The following CAMKMT variants were observed in gnomAD, a reference collection of about 807,000 sequenced individuals.
CAMKMT encodes CaM KMT.
A neutral mutation model predicts 48.0 loss-of-function variants in CAMKMT; 53 were observed. That is an observed-to-expected ratio of 1.10 (90% confidence interval 0.89 to 1.39). The LOEUF (loss-of-function observed/expected upper bound fraction) is 1.39. Ranked by LOEUF, CAMKMT falls within the 40% of genes most tolerant of loss-of-function variation. CAMKMT has a pLI of 0.00. For synonymous variants in CAMKMT, 165 were observed against 152.3 expected (o/e 1.08, Z -0.61); for missense variants, 428 against 402.7 (o/e 1.06, Z -0.54).
At chr2:44,459,467 A>G (rs892825585) in intron 3 of CAMKMT, among the ~76,000 whole-genome samples, 2 of 152,342 alleles carry the variant, frequency 1.3e-5, no homozygotes, top group South Asian at 2.1e-4. Context: ...ATTATTATTT[A>G]GAACATTTAT....
At chr2:44,505,405 A>G (rs1195026364) in intron 3 of CAMKMT, among the ~76,000 whole-genome samples, 2 of 152,078 alleles carry the variant, frequency 1.3e-5, no homozygotes, top group Non-Finnish European at 2.9e-5. Flanking sequence ...GATGAAGTCC[A>G]ATTTATTTTT....
At chr2:44,701,324 A>G (rs934281841) in intron 3 of CAMKMT, among the ~76,000 whole-genome samples, 1 of 152,182 alleles carries the variant, frequency 6.6e-6, no homozygotes, top group Non-Finnish European at 1.5e-5. Context: ...GATTGTAGCC[A>G]TCCTAGTGGG....
At chr2:44,517,086 A>C (rs575170508) in intron 3 of CAMKMT, among the ~76,000 whole-genome samples, 1 of 152,314 alleles carries the variant, frequency 6.6e-6, no homozygotes, top group South Asian at 2.1e-4. Context: ...GAATTAAATG[A>C]TTATTATATT....
intron 3 of CAMKMT, among the ~76,000 whole-genome samples, chr2:44,548,926 A>T (rs1667551508): frequency 6.6e-6 from 1 of 152,182 alleles, no homozygotes; most frequent in South Asian, 2.1e-4. Context: ...AAACTCAACC[A>T]TGCCATACCA....
At chr2:44,444,888 C>T (rs997089790) in intron 3 of CAMKMT, among the ~76,000 whole-genome samples, 1 of 152,140 alleles carries the variant, frequency 6.6e-6, no homozygotes, top group Non-Finnish European at 1.5e-5. Flanking sequence ...ACAGTTTCAC[C>T]TGGGCATTCG....
At chr2:44,576,752 G>A (rs1219108110) in intron 3 of CAMKMT, among the ~76,000 whole-genome samples, 1 of 152,172 alleles carries the variant, frequency 6.6e-6, no homozygotes, top group African/African-American at 2.4e-5. Context: ...AGTGTGCTGT[G>A]GAGGCTAGAG....
At chr2:44,638,762 G>A (rs948372538) in intron 3 of CAMKMT, among the ~76,000 whole-genome samples, 7 of 152,200 alleles carry the variant, frequency 4.6e-5, no homozygotes, top group Non-Finnish European at 1.0e-4. Context: ...TAGGAGGCAT[G>A]CACCGTTCTT....
chr2:44,644,096 G>A (rs145700293), intron 3 of CAMKMT, among the ~76,000 whole-genome samples: 163 of 152,280 alleles, frequency 1.1e-3, no homozygotes, highest in African/African-American at 3.8e-3. Context: ...GATCATCTAT[G>A]TGCCATTATC....
intron 3 of CAMKMT, among the ~76,000 whole-genome samples, chr2:44,621,427 G>A (rs917761051): frequency 6.6e-6 from 1 of 152,152 alleles, no homozygotes; most frequent in African/African-American, 2.4e-5. Context: ...AGGGATGGGG[G>A]AGGCTGCTTT....
chr2:44,508,267 C>T (rs763231261), intron 3 of CAMKMT, among the ~76,000 whole-genome samples: 8 of 152,116 alleles, frequency 5.3e-5, no homozygotes, highest in Admixed American at 1.3e-4. Context: ...GCCTAATTTG[C>T]GTAAATGTAA....
At chr2:44,506,170 A>T (rs999050425) in intron 3 of CAMKMT, among the ~76,000 whole-genome samples, 1 of 152,166 alleles carries the variant, frequency 6.6e-6, no homozygotes, top group African/African-American at 2.4e-5. Flanking sequence ...CTAAAAGTTT[A>T]AATCTGTGCT....
chr2:44,509,524 T>C (rs2104764146), intron 3 of CAMKMT, among the ~76,000 whole-genome samples: 1 of 152,292 alleles, frequency 6.6e-6, no homozygotes, highest in Admixed American at 6.5e-5. Context: ...TTGCCCAGGC[T>C]GGTCTTGATC....
chr2:44,625,789 C>T (rs1411296819), intron 3 of CAMKMT, among the ~76,000 whole-genome samples: 1 of 152,226 alleles, frequency 6.6e-6, no homozygotes, highest in African/African-American at 2.4e-5. Flanking sequence ...CATTGAATTA[C>T]TTTTACATAT....
At chr2:44,650,274 G>C (rs1008376742) in intron 3 of CAMKMT, among the ~76,000 whole-genome samples, 2 of 152,070 alleles carry the variant, frequency 1.3e-5, no homozygotes, top group Non-Finnish European at 2.9e-5. Context: ...CTCCACCTTT[G>C]TCGTCACCTG....
chr2:44,692,882 T>G (rs533697628), intron 3 of CAMKMT, among the ~76,000 whole-genome samples: 2 of 152,282 alleles, frequency 1.3e-5, no homozygotes, highest in South Asian at 4.1e-4. Flanking sequence ...CCCTAGGTAG[T>G]GTTTTTTTGC....
intron 2 of CAMKMT, among the ~76,000 whole-genome samples, chr2:44,376,841 A>C (rs1234630334): frequency 1.3e-5 from 2 of 152,146 alleles, no homozygotes; most frequent in Admixed American, 6.5e-5. Flanking sequence ...AAGTTTAAAC[A>C]ATGTAAAAGT....
At chr2:44,714,776 A>G (rs936851782) in intron 6 of CAMKMT, among the ~76,000 whole-genome samples, 3 of 152,174 alleles carry the variant, frequency 2.0e-5, no homozygotes, top group Admixed American at 6.5e-5. Context: ...GCTTGCCATG[A>G]TGATCCATCT....
At position 44,772,016 on chromosome 2, in the gene CAMKMT, C is replaced by T. The variant is rs971302478; in HGVS notation, c.895-20C>T. 6.3e-7 allele frequency: 1 copy of T among 1,577,602 alleles called. No homozygotes were observed. Among genetic ancestry groups the T allele is most frequent in the Non-Finnish European group, 8.7e-7 (1 of 1,150,818 alleles). On this transcript the variant is annotated intron_variant, in intron 10 of 10. Coordinates refer to ENST00000378494, the MANE Select transcript of CAMKMT (RefSeq NM_024766.5). Reference sequence around the variant, plus strand: ...CTAATTGGAGTCCCCTTACCTTTTTCTTTCTATTATTGTTTTCAGTTGAAA... The same window carrying T: ...CTAATTGGAGTCCCCTTACCTTTTTTTTTCTATTATTGTTTTCAGTTGAAA...
intron 8 of CAMKMT, among the ~76,000 whole-genome samples, chr2:44,752,821 C>G (rs1193942255): frequency 6.6e-6 from 1 of 152,164 alleles, no homozygotes; most frequent in Non-Finnish European, 1.5e-5. Context: ...GCCAAACTCC[C>G]CACCTCTCAA....
Sources: allele counts gnomAD v4.1 joint callset (sites outside exome capture counted in the v4.1 genomes callset), GRCh38; gene constraint gnomAD v4.1.1; transcripts MANE v1.5; gene names NCBI Gene and HGNC (gene_info 2026-07-23, HGNC 2026-07-21).